The following ZMAT4 variants were observed in gnomAD, a reference collection of about 807,000 sequenced individuals.
ZMAT4 encodes zinc finger matrin-type protein 4.
A neutral mutation model predicts 28.7 loss-of-function variants in ZMAT4; 17 were observed. The ratio of observed to expected loss-of-function variants is 0.59; its 90% CI spans 0.41 to 0.89. The LOEUF (loss-of-function observed/expected upper bound fraction) is 0.89, where lower values mean the gene tolerates loss of function less well. Ranked by LOEUF, ZMAT4 falls within the 40% of genes least tolerant of loss-of-function variation. The pLI is 0.00. For missense variants in ZMAT4, 240 were observed against 283.8 expected (o/e 0.85, Z 1.11); for synonymous variants, 117 against 109.2 (o/e 1.07, Z -0.44).
intron 1 of ZMAT4, among the ~76,000 whole-genome samples, chr8:40,853,064 A>C (rs371263051): frequency 6.6e-6 from 1 of 152,312 alleles, no homozygotes; most frequent in East Asian, 1.9e-4. Context: ...TTTGTCTACC[A>C]GTCATTTTTT....
chr8:40,643,171 C>A (rs547181517), intron 5 of ZMAT4, among the ~76,000 whole-genome samples: 1 of 152,258 alleles, frequency 6.6e-6, no homozygotes, highest in South Asian at 2.1e-4. Flanking sequence ...TGTGCCCACA[C>A]ACTAGATAAG....
intron 3 of ZMAT4, among the ~76,000 whole-genome samples, chr8:40,725,685 C>T (rs889514611): frequency 4.6e-5 from 7 of 152,042 alleles, no homozygotes; most frequent in South Asian, 2.1e-4. Context: ...GCAGGAGAAT[C>T]GCTTGAACCT....
intron 1 of ZMAT4, among the ~76,000 whole-genome samples, chr8:40,849,155 C>T (rs767738926): frequency 1.3e-5 from 2 of 152,250 alleles, no homozygotes; most frequent in Admixed American, 6.5e-5. Context: ...GCCTGCAAAT[C>T]TAGGAACAAA....
intron 3 of ZMAT4, among the ~76,000 whole-genome samples, chr8:40,709,435 A>G (rs752762046): frequency 4.6e-5 from 7 of 152,220 alleles, no homozygotes; most frequent in Non-Finnish European, 8.8e-5. Flanking sequence ...ACCGTATAGA[A>G]AGATATTTTT....
At chr8:40,610,419 G>T (rs1024986917) in intron 5 of ZMAT4, among the ~76,000 whole-genome samples, 67 of 152,220 alleles carry the variant, frequency 4.4e-4, no homozygotes, top group African/African-American at 1.5e-3. Context: ...AGCTATGCAG[G>T]GTTGGCAATT....
intron 1 of ZMAT4, among the ~76,000 whole-genome samples, chr8:40,826,001 G>A (rs1308771167): frequency 6.6e-6 from 1 of 152,218 alleles, no homozygotes; most frequent in Non-Finnish European, 1.5e-5. Context: ...GCTCACGCCT[G>A]TAGTCCCAGT....
chr8:40,573,583 C>T (rs1479668705), intron 6 of ZMAT4, among the ~76,000 whole-genome samples: 1 of 152,138 alleles, frequency 6.6e-6, no homozygotes, highest in Non-Finnish European at 1.5e-5. Context: ...ACCCTATTTA[C>T]ATATAAGGCC....
intron 5 of ZMAT4, 55 bp from the exon 6 acceptor site, chr8:40,581,316 T>C: frequency 6.9e-7 from 1 of 1,459,280 alleles, no homozygotes; most frequent in South Asian, 1.1e-5. Context: ...CCACCTGAAA[T>C]GAATCCTAGC....
At chr8:40,852,960 A>G (rs1817165067) in intron 1 of ZMAT4, among the ~76,000 whole-genome samples, 1 of 152,204 alleles carries the variant, frequency 6.6e-6, no homozygotes, top group South Asian at 2.1e-4. Context: ...CGGGCAAAAA[A>G]AAATGTGGTC....
rs1808846694 is a variant in ZMAT4 at position 40,674,903 on chromosome 8, T to C, written c.378A>G (p.Pro126=). 6.2e-7 allele frequency: 1 copy of C among 1,613,004 alleles called. No individual in the cohort carries two copies. The highest frequency in any genetic ancestry group is 8.5e-7 in the Non-Finnish European group (1 of 1,179,742). ...TATPLSPLKP[P]RMDTAPVVAS... is the part of the protein sequence containing the mutation. Reference sequence around the variant, plus strand: ...CGACCACCGGAGCAGTGTCCATCCGTGGGGGCTTAAGTGGGCTCAGGGGTG... The same window carrying C: ...CGACCACCGGAGCAGTGTCCATCCGCGGGGGCTTAAGTGGGCTCAGGGGTG... Residue 126 remains proline, a synonymous_variant, in exon 5 of 7, where the codon CCA becomes CCG. Transcript: ENST00000297737.
At chr8:40,850,467 C>G (rs1199768160) in intron 1 of ZMAT4, among the ~76,000 whole-genome samples, 1 of 152,170 alleles carries the variant, frequency 6.6e-6, no homozygotes, top group Non-Finnish European at 1.5e-5. Flanking sequence ...TCACTGCAGA[C>G]AGTCATGGAA....
At chr8:40,813,127 T>C (rs942411913) in intron 2 of ZMAT4, among the ~76,000 whole-genome samples, 6 of 152,012 alleles carry the variant, frequency 3.9e-5, no homozygotes, top group East Asian at 1.9e-4. Context: ...AAATATTCCA[T>C]ACTTTATAAC....
At chr8:40,878,156 A>C (rs1216485305) in intron 1 of ZMAT4, among the ~76,000 whole-genome samples, 1 of 152,206 alleles carries the variant, frequency 6.6e-6, no homozygotes, top group Non-Finnish European at 1.5e-5. Context: ...AGGGCCTCCA[A>C]GTGGCCAGTG....
At chr8:40,603,317 G>T (rs897826469) in intron 5 of ZMAT4, among the ~76,000 whole-genome samples, 40 of 152,156 alleles carry the variant, frequency 2.6e-4, no homozygotes, top group African/African-American at 9.6e-4. Flanking sequence ...TTCTGTTTTG[G>T]TGACCATAGT....
At chr8:40,802,479 C>T (rs1814891243) in intron 2 of ZMAT4, among the ~76,000 whole-genome samples, 1 of 151,824 alleles carries the variant, frequency 6.6e-6, no homozygotes, top group African/African-American at 2.4e-5. Context: ...TGTTAGCACA[C>T]AAAAACTTAT....
At position 40,604,557 on chromosome 8, in the gene ZMAT4, C is replaced by A. The variant is rs564047363; in HGVS notation, c.578-23296G>T. ...GCATATGTCGAACCATCCCTGCATT[C>A]CAGGTATGAAACTCACTTGATCATG... On this transcript the variant is annotated intron_variant, in intron 5 of 6. Coordinates refer to ENST00000297737, the MANE Select transcript of ZMAT4 (RefSeq NM_024645.3). Among the ~76,000 whole-genome samples the A allele has an allele frequency of 4.7e-4, 71 of 152,266 alleles. No homozygotes were observed. In the South Asian group the frequency reaches 0.011, roughly 24 times the overall value.
At chr8:40,867,509 G>C (rs963412880) in intron 1 of ZMAT4, among the ~76,000 whole-genome samples, 1 of 152,116 alleles carries the variant, frequency 6.6e-6, no homozygotes, top group East Asian at 1.9e-4. Context: ...TGCATGATCT[G>C]CACCCTCCAC....
intron 5 of ZMAT4, among the ~76,000 whole-genome samples, chr8:40,649,959 C>T (rs1807553572): frequency 6.6e-6 from 1 of 151,610 alleles, no homozygotes; most frequent in African/African-American, 2.4e-5. Flanking sequence ...ACTAAATGCC[C>T]ACAGGAGAAA....
chr8:40,658,396 G>T (rs1176584008), intron 5 of ZMAT4, among the ~76,000 whole-genome samples: 6 of 151,954 alleles, frequency 3.9e-5, no homozygotes, highest in Non-Finnish European at 5.9e-5. Context: ...TTGAAAGCCG[G>T]CAGCAAACTT....
Sources: gnomAD v4.1 joint callset for allele counts (sites outside exome capture counted in the v4.1 genomes callset) on GRCh38, gnomAD v4.1.1 for gene constraint, MANE v1.5 for transcripts, NCBI Gene and HGNC (gene_info 2026-07-23, HGNC 2026-07-21) for gene names.